The following FAM209A variants were observed in gnomAD, a reference collection of about 807,000 sequenced individuals.
FAM209A encodes family with sequence similarity 209 member A.
A neutral mutation model predicts 9.8 loss-of-function variants in FAM209A; 4 were observed. The ratio of observed to expected loss-of-function variants is 0.41; its 90% confidence interval spans 0.20 to 0.94. FAM209A has a LOEUF of 0.94. FAM209A is among the 40% of genes least tolerant of loss of function. The pLI, the probability that FAM209A is intolerant of heterozygous loss-of-function variation, is 0.32. For missense variants in FAM209A, 205 were observed against 209.4 expected, an observed-to-expected ratio of 0.98 and a Z score of 0.13; for synonymous variants, 55 against 77.8, an observed-to-expected ratio of 0.71 and a Z score of 1.54.
At chr20:56,533,381 C>G in the FAM209A span, 1 of 1,614,018 alleles carries the variant, frequency 6.2e-7, no homozygotes, top group Non-Finnish European at 8.5e-7. Flanking sequence ...GCTTCTGTGC[C>G]TCACCTGCAG....
the FAM209A span, among the ~76,000 whole-genome samples, chr20:56,531,287 T>C: frequency 6.6e-6 from 1 of 151,338 alleles, no homozygotes; most frequent in Admixed American, 6.6e-5. Context: ...AATTGTTTTT[T>C]CTTCTTTCTT....
At position 56,524,917 on chromosome 20, in the gene FAM209A, C is replaced by A. The variant is rs773058052; in HGVS notation, c.109C>A (p.Gln37Lys). ...QKTSEPQGKV[Q>K]YGEHFRIRQN... is the part of the protein sequence containing the mutation. ...AACTAGCGAACCCCAGGGGAAGGTG[C>A]AATACGGAGAGCACTTTCGGATTCG... Residue 37 changes from glutamine to lysine, a missense_variant, in exon 1 of 2, where the codon CAA (glutamine) becomes AAA (lysine). Transcript: ENST00000371328. 1.9e-6 allele frequency: 3 copies of A among 1,613,392 alleles called. No homozygotes were observed. The highest frequency in any genetic ancestry group is 2.2e-5 in the East Asian group (1 of 44,884).
At chr20:56,525,134 T>G in intron 1 of FAM209A, 77 bp downstream of exon 1, 1 of 1,573,776 alleles carries the variant, frequency 6.4e-7, no homozygotes, top group Non-Finnish European at 8.6e-7. Flanking sequence ...TTCTAGTGAG[T>G]CTAGACGGCA....
chr20:56,524,760 G>A lies in FAM209A; in HGVS notation c.-49G>A. 1.2e-6 allele frequency: 2 copies of A among 1,605,162 alleles called. No individual in the cohort carries two copies. The highest frequency in any genetic ancestry group is 1.7e-5 in the Admixed American group (1 of 59,662). On this transcript the variant is annotated 5_prime_UTR_variant, in exon 1 of 2. Coordinates refer to ENST00000371328, the MANE Select transcript of FAM209A (RefSeq NM_001012971.4). ...CAGGTGCCCAGTCTCCCAGTTGCGAGGGCAAGCAAACCCGTCATGAGCAAC... is the reference window on the plus strand; with the variant it reads ...CAGGTGCCCAGTCTCCCAGTTGCGAAGGCAAGCAAACCCGTCATGAGCAAC...
rs1985493336 is a variant in FAM209A at position 56,525,625 on chromosome 20, C to T, written c.250-179C>T. On this transcript the variant is annotated intron_variant, in intron 1 of 1. Transcript: ENST00000371328. ...AGCACTTCATAATCCTGTGCCCAAA[C>T]TGATGAGAGCAGGGATCGGCAAACC... is the stretch of plus-strand genomic sequence containing the variant. Among the ~76,000 whole-genome samples the T allele has an allele frequency of 2.0e-5, 3 of 152,168 alleles. 1 individual carries two copies. The South Asian group carries it at 6.2e-4, about 32-fold the overall frequency.
chr20:56,528,146 G>A (rs952841391), downstream of FAM209A, among the ~76,000 whole-genome samples: 5 of 151,876 alleles, frequency 3.3e-5, no homozygotes, highest in Admixed American at 2.0e-4. Context: ...ACCCAGGTGC[G>A]GTGCTGTGCA....
At chr20:56,527,183 T>C (rs746019954), downstream of FAM209A, among the ~76,000 whole-genome samples, 34 of 152,118 alleles carry the variant, frequency 2.2e-4, no homozygotes, top group Non-Finnish European at 4.0e-4. Context: ...GATTGATGGA[T>C]GGGTTTCTGT....
At chr20:56,525,099 C>G in intron 1 of FAM209A, 42 bp downstream of exon 1, 3 of 1,601,946 alleles carry the variant, frequency 1.9e-6, no homozygotes, top group Non-Finnish European at 2.6e-6. Flanking sequence ...TTGATTCAAT[C>G]TCAGGAGTCT....
Position 56,525,942 on chromosome 20 carries a change from G to A in FAM209A, c.388G>A (p.Val130Met), listed in dbSNP as rs1376715677. Residue 130 changes from valine (V) to methionine (M), a missense_variant, in exon 2 of 2, where the codon GTG becomes ATG. Val to Met is a conservative substitution (Grantham distance 21). Transcript: ENST00000371328. ...EVELMKFVSK[V>M]RNLKRAMATG... is the part of the protein sequence containing the mutation. ...GGAGCTTATGAAATTTGTGTCCAAA[G>A]TGCGGAATCTTAAACGTGCCATGGC... 1 of 1,614,180 alleles carries A rather than the reference G, an allele frequency of 6.2e-7. No homozygotes were observed. The highest frequency in any genetic ancestry group is 8.5e-7 in the Non-Finnish European group (1 of 1,180,048).
chr20:56,526,438 A>G (rs911018571), downstream of FAM209A, among the ~76,000 whole-genome samples: 8 of 152,192 alleles, frequency 5.3e-5, no homozygotes, highest in Non-Finnish European at 8.8e-5. Flanking sequence ...TGCAAGATGC[A>G]GAACTGCTTT....
At chr20:56,528,871 C>A (rs1388731727), downstream of FAM209A, among the ~76,000 whole-genome samples, 6 of 152,182 alleles carry the variant, frequency 3.9e-5, no homozygotes, top group African/African-American at 1.4e-4. Flanking sequence ...AATCACATTT[C>A]TTCATGATTG....
At chr20:56,529,731 A>G (rs961971090), downstream of FAM209A, among the ~76,000 whole-genome samples, 4 of 152,216 alleles carry the variant, frequency 2.6e-5, no homozygotes, top group African/African-American at 9.6e-5. Context: ...CAGGAGGCTG[A>G]GGCAGGAGAA....
At position 56,524,887 on chromosome 20, in the gene FAM209A, C is replaced by G. The variant is rs1207308859; in HGVS notation, c.79C>G (p.Gln27Glu). 1.2e-6 allele frequency: 2 copies of G among 1,614,198 alleles called. No individual in the cohort carries two copies. The highest frequency in any genetic ancestry group is 1.7e-6 in the Non-Finnish European group (2 of 1,180,030). The change falls in exon 1 of 2, where the codon CAG (glutamine) becomes GAG (glutamate). Residue 27 changes from glutamine to glutamate, a missense_variant. Gln to Glu is a conservative substitution (Grantham distance 29, BLOSUM62 2). Coordinates refer to ENST00000371328, the MANE Select transcript of FAM209A (RefSeq NM_001012971.4). ...SYAFMFSSLR[Q>E]KTSEPQGKVQ... ...TGCCTTTATGTTCTCTTCTCTGAGA[C>G]AGAAAACTAGCGAACCCCAGGGGAA...
At chr20:56,533,586 A>G in the FAM209A span, 2 of 1,614,128 alleles carry the variant, frequency 1.2e-6, no homozygotes, top group East Asian at 4.5e-5. Flanking sequence ...AGTGAGAAGA[A>G]TAAGGTAAGG....
the FAM209A span, chr20:56,533,350 G>A: frequency 2.3e-5 from 37 of 1,614,040 alleles, no homozygotes; most frequent in Admixed American, 4.7e-4. Flanking sequence ...CCATGTGGAC[G>A]CTGAAATCGT....
At chr20:56,531,800 A>C in the FAM209A span, among the ~76,000 whole-genome samples, 1 of 150,404 alleles carries the variant, frequency 6.6e-6, no homozygotes, top group Non-Finnish European at 1.5e-5. Flanking sequence ...TAATTTTTGT[A>C]TTTTTAGTAG....
downstream of FAM209A, among the ~76,000 whole-genome samples, chr20:56,526,343 G>A (rs907135169): frequency 1.3e-5 from 2 of 152,070 alleles, no homozygotes; most frequent in Non-Finnish European, 1.5e-5. Flanking sequence ...CAATGGCCGC[G>A]GGTGGACGAT....
chr20:56,531,375 C>T, the FAM209A span, among the ~76,000 whole-genome samples: 13 of 150,726 alleles, frequency 8.6e-5, no homozygotes, highest in Non-Finnish European at 1.3e-4. Flanking sequence ...CTCAGCTCAC[C>T]GCAACCTCTG....
chr20:56,528,755 C>A (rs1985643065), downstream of FAM209A, among the ~76,000 whole-genome samples: 1 of 152,180 alleles, frequency 6.6e-6, no homozygotes, highest in Non-Finnish European at 1.5e-5. Flanking sequence ...ATGCCGCATA[C>A]CCTAGAGCAA....
Sources: allele counts gnomAD v4.1 joint callset (sites outside exome capture counted in the v4.1 genomes callset), GRCh38; gene constraint gnomAD v4.1.1; transcripts MANE v1.5; gene names NCBI Gene and HGNC (gene_info 2026-07-23, HGNC 2026-07-21).